CC2D2A: variants seen among roughly 807,000 people sequenced by gnomAD.
CC2D2A encodes the protein coiled-coil and C2 domain-containing protein 2A.
A neutral mutation model predicts 212.9 loss-of-function variants in CC2D2A; 155 were observed. The observed-to-expected ratio is 0.73, with a 90% confidence interval of 0.64 to 0.83. CC2D2A has a LOEUF of 0.83. CC2D2A is among the 40% of genes least tolerant of loss of function. CC2D2A has a pLI of 0.00. For missense variants in CC2D2A, 1,856 were observed against 1,956.2 expected, an observed-to-expected ratio of 0.95 and a Z score of 0.97; for synonymous variants, 667 against 686.5, an observed-to-expected ratio of 0.97 and a Z score of 0.44.
At chr4:15,572,105 C>G (rs1720196270) in intron 28 of CC2D2A, among the ~76,000 whole-genome samples, 1 of 152,094 alleles carries the variant, frequency 6.6e-6, no homozygotes. Flanking sequence ...CAAGTAGAAA[C>G]CTGATTCAAC....
intron 4 of CC2D2A, chr4:15,482,230 T>C: frequency 1.0e-6 from 1 of 985,114 alleles, no homozygotes; most frequent in Non-Finnish European, 1.2e-6. Flanking sequence ...CAATGAGAGC[T>C]GTTATGAATT....
chr4:15,478,791 G>A lies in CC2D2A; in HGVS notation c.108G>A (p.Gln36=), dbSNP rs886044284. The A allele has an allele frequency of 1.0e-5, 16 of 1,553,634 alleles. No homozygotes were observed. The East Asian group carries it at 1.2e-4, about 12-fold the overall frequency. The part of the protein sequence containing the change: ...RQNKNSKVRR[Q]PRKKQPPTAV... ...ATAAGAACTCAAAGGTTCGAAGACA[G>A]CCAAGAAAGAAACAGGTAAGAAGTG... The change falls in exon 3 of 37, where the codon CAG becomes CAA. Residue 36 remains glutamine, a synonymous_variant. Coordinates refer to ENST00000424120, the MANE Select transcript of CC2D2A (RefSeq NM_001378615.1).
At chr4:15,528,579 T>A in intron 12 of CC2D2A, 41 bp from the exon 13 acceptor site, 1 of 1,556,788 alleles carries the variant, frequency 6.4e-7, no homozygotes, top group Non-Finnish European at 8.9e-7. Context: ...CAGTAGGGAA[T>A]AGAGTTTGTA....
rs755747140 is a variant in CC2D2A, at chr4:15,574,299, G to A, written c.3744G>A (p.Leu1248=). 7 of 1,550,266 alleles carry A rather than the reference G, an allele frequency of 4.5e-6. No homozygotes were observed. Among genetic ancestry groups the A allele is most frequent in the Non-Finnish European group, 6.1e-6 (7 of 1,146,310 alleles). The change falls in exon 29 of 37, where the codon CTG becomes CTA. Residue 1248 remains leucine, a synonymous_variant. Coordinates refer to ENST00000424120, the MANE Select transcript of CC2D2A (RefSeq NM_001378615.1). The stretch of plus-strand genomic sequence containing the variant: ...TCTTTATTACCATTGAGCCCCAGCT[G>A]GTTCCTGGAGAGTCCATTCGAGAAA... ...ITLFITIEPQ[L]VPGESIREKF...
At position 15,564,349 on chromosome 4, in the gene CC2D2A, G is replaced by T. The variant is rs77127069; in HGVS notation, c.3182+827G>T. The stretch of plus-strand genomic sequence containing the variant: ...CAAAGTGCTGGGATTACTGGTGTGA[G>T]CCAATGCACCTGGCGTGAAACTTCT... On this transcript the variant is annotated intron_variant, in intron 24 of 36. Transcript: ENST00000424120. 1,317 of 152,282 alleles carry T rather than the reference G, an allele frequency of 8.6e-3. 20 individuals are homozygous for T. Among genetic ancestry groups the T allele is most frequent in the Non-Finnish European group, 0.012 (806 of 68,124 alleles). The allele number at this position is 152,282 out of a possible 1,614,324, so 9.4% of individuals were successfully genotyped here.
Position 15,540,930 on chromosome 4 carries a change from G to A in CC2D2A, c.2097G>A (p.Arg699=). 6.4e-7 allele frequency: 1 copy of A among 1,570,968 alleles called. No homozygotes were observed. Among genetic ancestry groups the A allele is most frequent in the Non-Finnish European group, 8.6e-7 (1 of 1,157,784 alleles). The change falls in exon 17 of 37, where the codon CGG becomes CGA. Residue 699 remains arginine, a synonymous_variant. Coordinates refer to ENST00000424120, the MANE Select transcript of CC2D2A (RefSeq NM_001378615.1). ...NNKEVSRTVS[R]PLGADFRVHF... ...AGGAGGTGTCCAGGACAGTCAGTCG[G>A]CCACTAGGAGCAGACTTCCGAGTTC...
intron 13 of CC2D2A, among the ~76,000 whole-genome samples, chr4:15,529,482 A>G (rs1408855672): frequency 6.6e-6 from 1 of 152,186 alleles, no homozygotes; most frequent in African/African-American, 2.4e-5. Context: ...CCACAGTTAA[A>G]ATGACTGACT....
At chr4:15,484,271 C>T (rs780466199) in intron 4 of CC2D2A, among the ~76,000 whole-genome samples, 5 of 151,970 alleles carry the variant, frequency 3.3e-5, no homozygotes, top group Non-Finnish European at 7.4e-5. Context: ...AATGTGCTTG[C>T]GACATTAAGC....
At chr4:15,533,059 T>G (rs1717931755) in intron 13 of CC2D2A, 134 bp from the exon 14 acceptor site, 1 of 629,192 alleles carries the variant, frequency 1.6e-6, no homozygotes. Flanking sequence ...TTCACATTTG[T>G]ATTTAGTTTT....
intron 4 of CC2D2A, among the ~76,000 whole-genome samples, chr4:15,499,316 C>G (rs1412866802): frequency 6.6e-6 from 1 of 152,138 alleles, no homozygotes; most frequent in African/African-American, 2.4e-5. Context: ...ATGTGCCACT[C>G]TGGTGGTGGG....
In CC2D2A at chr4:15,599,426, AAT is replaced by A. The variant is rs1437216721; in HGVS notation, c.4497-99_4497-98del. The A allele has an allele frequency of 2.8e-5, 20 of 718,560 alleles. No homozygotes were observed. The African/African-American group carries it at 3.6e-4, about 13-fold the overall frequency. The allele number at this position is 718,560 out of a possible 1,614,324, so 44.5% of individuals were successfully genotyped here. Reference sequence around the variant, plus strand: ...GGATAATCACAACTCCATCAACAAAAATATAGTTATACAATCATCTGAATCCC... The same window carrying A: ...GGATAATCACAACTCCATCAACAAAAATAGTTATACAATCATCTGAATCCC... On this transcript the variant is annotated intron_variant, in intron 35 of 36. Transcript: ENST00000424120.
intron 13 of CC2D2A, among the ~76,000 whole-genome samples, chr4:15,529,578 A>G (rs1398209277): frequency 2.0e-5 from 3 of 152,140 alleles, no homozygotes; most frequent in Admixed American, 2.0e-4. Context: ...TGCATCTTAG[A>G]CATTTTCCTG....
chr4:15,525,994 T>A (rs1717490022), intron 11 of CC2D2A, among the ~76,000 whole-genome samples: 1 of 152,232 alleles, frequency 6.6e-6, no homozygotes, highest in African/African-American at 2.4e-5. Context: ...CTAAAATATT[T>A]GTAAGCACAT....
At chr4:15,538,514 T>C (rs530533590) in intron 16 of CC2D2A, among the ~76,000 whole-genome samples, 2 of 152,286 alleles carry the variant, frequency 1.3e-5, no homozygotes, top group African/African-American at 4.8e-5. Context: ...ACTGGTAGCA[T>C]GTCCCACCTT....
In CC2D2A at chr4:15,523,487, C is replaced by A. The variant is rs77476683; in HGVS notation, c.1150-3960C>A. Reference sequence around the variant, plus strand: ...AAACTGTCACTTTCCCATCATTGTTCTCACCAGTTTTTCACCAAAGCATTG... The same window carrying A: ...AAACTGTCACTTTCCCATCATTGTTATCACCAGTTTTTCACCAAAGCATTG... On this transcript the variant is annotated intron_variant, in intron 11 of 36. Transcript: ENST00000424120. 8.4e-3 allele frequency among the ~76,000 whole-genome samples: 1,285 copies of A among 152,316 alleles called. 10 individuals carry two copies. Among genetic ancestry groups the A allele is most frequent in the Middle Eastern group, 0.024 (7 of 294 alleles).
At chr4:15,492,726 C>T in intron 4 of CC2D2A, 1 of 803,446 alleles carries the variant, frequency 1.2e-6, no homozygotes, top group Non-Finnish European at 2.0e-6. Flanking sequence ...AGGGGTCTTA[C>T]TCCTTGGAGG....
intron 4 of CC2D2A, among the ~76,000 whole-genome samples, chr4:15,485,142 G>T (rs1359644204): frequency 6.6e-6 from 1 of 152,204 alleles, no homozygotes; most frequent in Non-Finnish European, 1.5e-5. Flanking sequence ...GCTCAAGACA[G>T]GGTCCTGCCT....
chr4:15,553,324 A>C lies in CC2D2A; in HGVS notation c.2486+19A>C, dbSNP rs748331755. 2 of 1,610,612 alleles carry C rather than the reference A, an allele frequency of 1.2e-6. No individual in the cohort carries two copies. Among genetic ancestry groups the C allele is most frequent in the South Asian group, 1.1e-5 (1 of 90,156 alleles). On this transcript the variant is annotated intron_variant, in intron 19 of 36. Transcript: ENST00000424120. The stretch of plus-strand genomic sequence containing the variant: ...TTCGGAGGTAATACATGGCAAGAGT[A>C]AATTGATGAGCAATGTCAGTGTTAT...
In CC2D2A at chr4:15,567,363, A is replaced by AT; in HGVS notation, c.3183-10dup. ...CCTCTATCATTAATTTCCTTCATAC[A>AT]TTTTCTCTCCTAGCAAATTCCAGCA... On this transcript the variant is annotated splice_polypyrimidine_tract_variant and intron_variant, in intron 24 of 36. Coordinates refer to ENST00000424120, the MANE Select transcript of CC2D2A (RefSeq NM_001378615.1). 1 of 1,588,394 alleles carries AT rather than the reference A, an allele frequency of 6.3e-7. No individual in the cohort carries two copies. Among genetic ancestry groups the AT allele is most frequent in the Non-Finnish European group, 8.6e-7 (1 of 1,158,162 alleles).
Sources: gnomAD v4.1 joint callset for allele counts (sites outside exome capture counted in the v4.1 genomes callset) on GRCh38, gnomAD v4.1.1 for gene constraint, MANE v1.5 for transcripts, NCBI Gene and HGNC (gene_info 2026-07-23, HGNC 2026-07-21) for gene names.